The following SHISA6 variants were observed in gnomAD, a reference collection of about 807,000 sequenced individuals.
SHISA6 encodes protein shisa-6.
In SHISA6, 22 loss-of-function variants were observed where a neutral mutation model predicts 47.9. That is an observed-to-expected ratio of 0.46 (90% CI 0.33 to 0.66). The LOEUF is 0.66. SHISA6 is among the 30% of genes least tolerant of loss of function. The pLI is 0.02. For synonymous variants in SHISA6, 388 were observed against 337.8 expected, an observed-to-expected ratio of 1.15 and a Z score of -1.63; for missense variants, 680 against 764.6, an observed-to-expected ratio of 0.89 and a Z score of 1.30.
chr17:11,409,690 C>A (rs1355948286), intron 3 of SHISA6, among the ~76,000 whole-genome samples: 33 of 109,800 alleles, frequency 3.0e-4, no homozygotes, highest in Non-Finnish European at 4.0e-4. Context: ...GGGGACAGAG[C>A]AAGACTCCAT....
Position 11,464,537 on chromosome 17 carries a change from G to A in SHISA6, c.895+85028G>A, listed in dbSNP as rs180770070. ...CAGGCCCCTGTCTATACACACCCAC[G>A]TCCATGAAATGAATGCATTACACTC... On this transcript the variant is annotated intron_variant, in intron 3 of 5. Transcript: ENST00000441885. Among the ~76,000 whole-genome samples the A allele has an allele frequency of 1.7e-3, 263 of 152,254 alleles. 1 individual carries two copies. The highest frequency in any genetic ancestry group is 2.1e-3 in the Non-Finnish European group (143 of 68,028).
intron 3 of SHISA6, among the ~76,000 whole-genome samples, chr17:11,546,824 G>A (rs1239466812): frequency 6.6e-6 from 1 of 152,176 alleles, no homozygotes; most frequent in African/African-American, 2.4e-5. Context: ...GGGAGGCTGA[G>A]GCAGGAGAAT....
chr17:11,465,860 G>A lies in SHISA6; in HGVS notation c.896-86036G>A, dbSNP rs539320405. Among the ~76,000 whole-genome samples the A allele has an allele frequency of 6.6e-4, 100 of 152,266 alleles. 1 individual carries two copies. The highest frequency in any genetic ancestry group is 2.1e-4 in the South Asian group (1 of 4,824). On this transcript the variant is annotated intron_variant, in intron 3 of 5. Coordinates refer to ENST00000441885, the MANE Select transcript of SHISA6 (RefSeq NM_207386.4). Reference sequence around the variant, plus strand: ...ACGCAGTCTCCAGGCCTATCTCCCCGGCTCTGGAAGACACACCTTTTTGAG... The same window carrying A: ...ACGCAGTCTCCAGGCCTATCTCCCCAGCTCTGGAAGACACACCTTTTTGAG...
In SHISA6 at chr17:11,399,728, C is replaced by G. The variant is rs1913700847; in HGVS notation, c.895+20219C>G. ...TGAGGCACTGCGCCCAGCCCATTCC[C>G]CATTTTTTTAGAGTAGCAGATGCAG... On this transcript the variant is annotated intron_variant, in intron 3 of 5. Coordinates refer to ENST00000441885, the MANE Select transcript of SHISA6 (RefSeq NM_207386.4). Among the ~76,000 whole-genome samples the G allele has an allele frequency of 3.9e-5, 6 of 152,122 alleles. No individual in the cohort carries two copies. In the South Asian group the frequency reaches 1.2e-3, roughly 32 times the overall value.
In SHISA6 at chr17:11,287,742, G is replaced by A. The variant is rs965960968; in HGVS notation, c.799+24216G>A. On this transcript the variant is annotated intron_variant, in intron 2 of 5. Transcript: ENST00000441885. ...GGGAGGGAGGAAGGGGCTGGGAAGGGAAGGGAAGGGAAGTGGGGAGGGAAG... is the reference window on the plus strand; with the variant it reads ...GGGAGGGAGGAAGGGGCTGGGAAGGAAAGGGAAGGGAAGTGGGGAGGGAAG... 1.2e-3 allele frequency among the ~76,000 whole-genome samples: 174 copies of A among 146,432 alleles called. 1 individual carries two copies. The highest frequency in any genetic ancestry group is 4.1e-3 in the African/African-American group (165 of 39,866).
chr17:11,545,119 A>G (rs982138219), intron 3 of SHISA6, among the ~76,000 whole-genome samples: 1 of 151,450 alleles, frequency 6.6e-6, no homozygotes, highest in African/African-American at 2.4e-5. Flanking sequence ...CCAAACTGAA[A>G]ACAACCCATA....
chr17:11,514,200 G>T (rs1340729234), intron 3 of SHISA6, among the ~76,000 whole-genome samples: 1 of 152,166 alleles, frequency 6.6e-6, no homozygotes, highest in Non-Finnish European at 1.5e-5. Context: ...CATCTAGCTT[G>T]ACTGTCCTGC....
At chr17:11,499,683 C>CTTTTTTTTTTTTTTTTTTTTTTTT (rs372464937) in intron 3 of SHISA6, among the ~76,000 whole-genome samples, 1 of 127,564 alleles carries the variant, frequency 7.8e-6, no homozygotes, top group Non-Finnish European at 1.6e-5. Context: ...CTTTTTCTTT[C>CTTTTTTTTTTTTTTTTTTTTTTTT]TTTTTTTTTT....
intron 2 of SHISA6, among the ~76,000 whole-genome samples, chr17:11,266,358 CT>C (rs1225859921): frequency 1.1e-4 from 16 of 152,172 alleles, no homozygotes; most frequent in Non-Finnish European, 1.8e-4. Flanking sequence ...CACCTGAGAG[CT>C]TGTGGGAAAT....
chr17:11,491,768 G>GTTTTTTTTTTTTTTTTTTTTTTTT (rs768280409), intron 3 of SHISA6, among the ~76,000 whole-genome samples: 2 of 107,884 alleles, frequency 1.9e-5, no homozygotes, highest in Non-Finnish European at 2.0e-5. Context: ...AGCTGGTGAA[G>GTTTTTTTTTTTTTTTTTTTTTTTT]TGTTTTTTTT....
intron 1 of SHISA6, among the ~76,000 whole-genome samples, chr17:11,255,719 A>G (rs1205858172): frequency 1.3e-5 from 2 of 152,322 alleles, no homozygotes; most frequent in East Asian, 1.9e-4. Flanking sequence ...ACCCACGGCC[A>G]CAGCTGTGCT....
intron 2 of SHISA6, among the ~76,000 whole-genome samples, chr17:11,349,288 C>G (rs1464302208): frequency 2.6e-5 from 4 of 152,154 alleles, no homozygotes; most frequent in African/African-American, 9.7e-5. Context: ...TTATTTTGTT[C>G]ATAGTGCAGC....
At chr17:11,556,435 G>C (rs932537855) in intron 5 of SHISA6, among the ~76,000 whole-genome samples, 1 of 152,114 alleles carries the variant, frequency 6.6e-6, no homozygotes, top group African/African-American at 2.4e-5. Context: ...AGTCTGGGGA[G>C]ACTCTGGGCA....
chr17:11,519,683 A>G (rs1488426723), intron 3 of SHISA6, among the ~76,000 whole-genome samples: 2 of 152,110 alleles, frequency 1.3e-5, no homozygotes, highest in Admixed American at 1.3e-4. Context: ...AAACAATAAT[A>G]ACAGCTGTAA....
intron 3 of SHISA6, among the ~76,000 whole-genome samples, chr17:11,441,955 A>T (rs1224566094): frequency 6.6e-6 from 1 of 152,196 alleles, no homozygotes; most frequent in East Asian, 1.9e-4. Flanking sequence ...TAACAAGCAC[A>T]GTGTCCTGAG....
At chr17:11,242,478 T>C (rs866027728) in intron 1 of SHISA6, among the ~76,000 whole-genome samples, 1 of 152,332 alleles carries the variant, frequency 6.6e-6, no homozygotes, top group Middle Eastern at 3.4e-3. Flanking sequence ...TGTTGGAACC[T>C]TACTGAAAGC....
At chr17:11,518,248 T>C (rs916546871) in intron 3 of SHISA6, among the ~76,000 whole-genome samples, 3 of 152,178 alleles carry the variant, frequency 2.0e-5, no homozygotes, top group African/African-American at 7.2e-5. Context: ...ACATGTTGAC[T>C]ATGGTTCAGA....
At chr17:11,420,277 T>C (rs533328697) in intron 3 of SHISA6, among the ~76,000 whole-genome samples, 1 of 152,286 alleles carries the variant, frequency 6.6e-6, no homozygotes, top group African/African-American at 2.4e-5. Context: ...ACTGGTTGTA[T>C]AACATTAAAG....
chr17:11,539,955 T>C (rs1373066607), intron 3 of SHISA6, among the ~76,000 whole-genome samples: 3 of 152,268 alleles, frequency 2.0e-5, no homozygotes, highest in Admixed American at 6.5e-5. Flanking sequence ...CTTAACAGAC[T>C]GCATGCATAT....
Sources: allele counts gnomAD v4.1 joint callset (sites outside exome capture counted in the v4.1 genomes callset), GRCh38; gene constraint gnomAD v4.1.1; transcripts MANE v1.5; gene names NCBI Gene and HGNC (gene_info 2026-07-23, HGNC 2026-07-21).